The following SMOC2 variants were observed in gnomAD, a reference collection of about 807,000 sequenced individuals.
The protein encoded by SMOC2 is SPARC-related modular calcium-binding protein 2.
In SMOC2, 39 loss-of-function variants were observed where a neutral mutation model predicts 61.4. The observed-to-expected ratio is 0.64, with a 90% confidence interval of 0.49 to 0.83. SMOC2 has a LOEUF of 0.83. SMOC2 is among the 40% of genes least tolerant of loss of function. SMOC2 has a pLI of 0.00. For missense variants in SMOC2, 556 were observed against 592.9 expected (o/e 0.94, Z 0.65); for synonymous variants, 247 against 239.9 (o/e 1.03, Z -0.27).
chr6:168,495,981 G>A (rs1297081701), intron 1 of SMOC2, among the ~76,000 whole-genome samples: 1 of 152,150 alleles, frequency 6.6e-6, no homozygotes, highest in Non-Finnish European at 1.5e-5. Context: ...TCGCCTCCTC[G>A]CTCTTTTCTT....
At chr6:168,457,505 A>T (rs1781613145) in intron 1 of SMOC2, among the ~76,000 whole-genome samples, 1 of 152,280 alleles carries the variant, frequency 6.6e-6, no homozygotes, top group East Asian at 1.9e-4. Flanking sequence ...AGTGGCCTGG[A>T]GTCACTGTTT....
chr6:168,647,314 G>A (rs1787060658), intron 9 of SMOC2, among the ~76,000 whole-genome samples: 1 of 152,200 alleles, frequency 6.6e-6, no homozygotes, highest in African/African-American at 2.4e-5. Context: ...AGAAGGCCGG[G>A]GGCGGAGTGT....
intron 1 of SMOC2, among the ~76,000 whole-genome samples, chr6:168,509,295 A>G (rs1782951572): frequency 6.6e-6 from 1 of 152,358 alleles, no homozygotes; most frequent in African/African-American, 2.4e-5. Flanking sequence ...GCATTTTCAG[A>G]GAAATACACA....
At chr6:168,443,587 A>G (rs541354490) in intron 1 of SMOC2, among the ~76,000 whole-genome samples, 3 of 152,352 alleles carry the variant, frequency 2.0e-5, no homozygotes, top group South Asian at 2.1e-4. Flanking sequence ...TAGAAAATCA[A>G]GAAGTAGTTG....
intron 1 of SMOC2, among the ~76,000 whole-genome samples, chr6:168,486,041 C>T (rs569511639): frequency 5.3e-5 from 8 of 152,150 alleles, no homozygotes; most frequent in Admixed American, 1.3e-4. Context: ...TCTTTTGCAT[C>T]GTTGTGTACC....
intron 4 of SMOC2, among the ~76,000 whole-genome samples, chr6:168,540,555 C>G (rs532809116): frequency 1.3e-5 from 2 of 152,226 alleles, no homozygotes; most frequent in East Asian, 1.9e-4. Flanking sequence ...TGGCCAGGGG[C>G]ACGGAGCTAG....
chr6:168,446,935 T>C (rs1343316615), intron 1 of SMOC2, among the ~76,000 whole-genome samples: 1 of 152,232 alleles, frequency 6.6e-6, no homozygotes, highest in Non-Finnish European at 1.5e-5. Context: ...TTATTATGTA[T>C]GACATAATGT....
At chr6:168,625,672 C>A (rs926282157) in intron 9 of SMOC2, among the ~76,000 whole-genome samples, 1 of 152,184 alleles carries the variant, frequency 6.6e-6, no homozygotes, top group Non-Finnish European at 1.5e-5. Context: ...TCTTCGAGGG[C>A]GTATACACAG....
chr6:168,461,098 T>A (rs2115003181), intron 1 of SMOC2, among the ~76,000 whole-genome samples: 1 of 152,326 alleles, frequency 6.6e-6, no homozygotes, highest in South Asian at 2.1e-4. Context: ...TTTAATGGGC[T>A]TACAGTTCCA....
intron 1 of SMOC2, among the ~76,000 whole-genome samples, chr6:168,456,126 G>A (rs532233809): frequency 9.8e-5 from 15 of 152,362 alleles, no homozygotes; most frequent in South Asian, 2.1e-4. Flanking sequence ...GGAGCTGGAC[G>A]TGTGGGCCGA....
chr6:168,653,814 CT>C (rs1787268354), intron 11 of SMOC2, among the ~76,000 whole-genome samples: 1 of 147,728 alleles, frequency 6.8e-6, no homozygotes, highest in Admixed American at 6.7e-5. Flanking sequence ...CTCACCACCC[CT>C]GTACCTGAGC....
At chr6:168,463,658 G>A (rs73040324) in intron 1 of SMOC2, among the ~76,000 whole-genome samples, 4 of 152,242 alleles carry the variant, frequency 2.6e-5, no homozygotes, top group Non-Finnish European at 5.9e-5. Context: ...TGCTTACAGA[G>A]AACATTGTCC....
chr6:168,656,194 G>T (rs1393157404), intron 11 of SMOC2, among the ~76,000 whole-genome samples: 1 of 152,096 alleles, frequency 6.6e-6, no homozygotes, highest in Non-Finnish European at 1.5e-5. Context: ...CTGTGTTGTG[G>T]AGGGCTGATT....
chr6:168,477,472 A>G (rs1278993236), intron 1 of SMOC2, among the ~76,000 whole-genome samples: 1 of 152,188 alleles, frequency 6.6e-6, no homozygotes, highest in East Asian at 1.9e-4. Context: ...AGTATGACCA[A>G]TTGGTATTTT....
At chr6:168,562,968 A>G (rs948974016) in intron 7 of SMOC2, among the ~76,000 whole-genome samples, 2 of 152,350 alleles carry the variant, frequency 1.3e-5, no homozygotes, top group African/African-American at 4.8e-5. Context: ...TCACTGGAGC[A>G]AACACAGTCA....
At chr6:168,576,589 C>T (rs572042957) in intron 7 of SMOC2, among the ~76,000 whole-genome samples, 1 of 152,170 alleles carries the variant, frequency 6.6e-6, no homozygotes. Flanking sequence ...AGCAGGGACA[C>T]CAAATGGACG....
At chr6:168,537,990 G>T (rs887935641) in intron 4 of SMOC2, among the ~76,000 whole-genome samples, 1 of 152,054 alleles carries the variant, frequency 6.6e-6, no homozygotes, top group Non-Finnish European at 1.5e-5. Context: ...CTGGAATCTG[G>T]CAGAGTGGGG....
In SMOC2 at chr6:168,527,694, A is replaced by G; in HGVS notation, c.430A>G (p.Thr144Ala). The G allele has an allele frequency of 6.4e-7, 1 of 1,552,154 alleles. No individual in the cohort carries two copies. The highest frequency in any genetic ancestry group is 8.7e-7 in the Non-Finnish European group (1 of 1,147,458). ...VTPNGRPISG[T>A]AVAHKTPRCP... is the part of the protein sequence containing the mutation. ...GCCCAACGGGAGGCCCATCAGCGGCACTGCCGTGGCCCACAAGACGCCCCG... is the reference window on the plus strand; with the variant it reads ...GCCCAACGGGAGGCCCATCAGCGGCGCTGCCGTGGCCCACAAGACGCCCCG... Residue 144 changes from threonine to alanine, a missense_variant, in exon 4 of 13, where the codon ACT becomes GCT. By Grantham distance (58) the Thr-to-Ala change is moderately conservative (BLOSUM62 0). Transcript: ENST00000356284.
chr6:168,456,593 T>C (rs1781593522), intron 1 of SMOC2, among the ~76,000 whole-genome samples: 1 of 152,206 alleles, frequency 6.6e-6, no homozygotes, highest in African/African-American at 2.4e-5. Flanking sequence ...GCAACCCCAG[T>C]GCCGAAGCTT....
Sources: gnomAD v4.1 joint callset for allele counts (sites outside exome capture counted in the v4.1 genomes callset) on GRCh38, gnomAD v4.1.1 for gene constraint, MANE v1.5 for transcripts, NCBI Gene and HGNC (gene_info 2026-07-23, HGNC 2026-07-21) for gene names.